FRMD6: variants seen among roughly 807,000 people sequenced by gnomAD.
FRMD6 encodes the protein FERM domain-containing protein 6.
In FRMD6, 37 loss-of-function variants were observed where a neutral mutation model predicts 73.2. The ratio of observed to expected loss-of-function variants is 0.51; its 90% CI spans 0.39 to 0.66. The LOEUF is 0.66. Among genes scored for constraint, FRMD6 ranks in the 30% least tolerant of loss-of-function variants. The pLI is 0.00. For synonymous variants in FRMD6, 273 were observed against 282.2 expected, an observed-to-expected ratio of 0.97 and a Z score of 0.33; for missense variants, 714 against 780.5, an observed-to-expected ratio of 0.91 and a Z score of 1.02.
At chr14:51,577,439 A>G (rs548946227) in intron 2 of FRMD6, among the ~76,000 whole-genome samples, 71 of 152,308 alleles carry the variant, frequency 4.7e-4, no homozygotes, top group Non-Finnish European at 9.4e-4. Context: ...TTAAGACTCA[A>G]TGTATAGTGT....
chr14:51,715,285 A>G lies in FRMD6; in HGVS notation c.850-40A>G, dbSNP rs151202244. ...CAAAGGGGACTTTGGCAAATCAGAG[A>G]TTTTTCTTCCTGAATTTGATTCATG... On this transcript the variant is annotated intron_variant, in intron 9 of 13. Coordinates refer to ENST00000344768, the MANE Select transcript of FRMD6 (RefSeq NM_001267046.2). 872 of 1,436,874 alleles carry G rather than the reference A, an allele frequency of 6.1e-4. 5 individuals carry two copies. In the African/African-American group the frequency reaches 0.011, roughly 19 times the overall value. 89.0% of individuals were successfully genotyped at this position (1,436,874 alleles called of 1,614,324 possible).
At chr14:51,455,913 C>T in the FRMD6 span, among the ~76,000 whole-genome samples, 1 of 152,130 alleles carries the variant, frequency 6.6e-6, no homozygotes, top group Admixed American at 6.6e-5. Flanking sequence ...GCCTAGTCTT[C>T]AGGGGTAAGA....
At chr14:51,409,463 T>C in the FRMD6 span, among the ~76,000 whole-genome samples, 1 of 151,828 alleles carries the variant, frequency 6.6e-6, no homozygotes, top group South Asian at 2.1e-4. Context: ...AGCAGTAGAA[T>C]TGGTCAAGGT....
the FRMD6 span, among the ~76,000 whole-genome samples, chr14:51,400,880 AG>A: frequency 6.6e-6 from 1 of 152,224 alleles, no homozygotes; most frequent in Non-Finnish European, 1.5e-5. Flanking sequence ...TAATTTATTT[AG>A]CCAATTTCCT....
At chr14:51,568,938 C>T (rs1202100710) in intron 1 of FRMD6, among the ~76,000 whole-genome samples, 3 of 151,684 alleles carry the variant, frequency 2.0e-5, no homozygotes, top group African/African-American at 4.8e-5. Flanking sequence ...TTCTGCCTCC[C>T]GGGTTCAAGC....
chr14:51,530,660 T>A (rs12884817), intron 1 of FRMD6, among the ~76,000 whole-genome samples: 2 of 121,556 alleles, frequency 1.6e-5, no homozygotes, highest in African/African-American at 6.3e-5. Flanking sequence ...TTTTTTTTTT[T>A]AATTTTAGTA....
chr14:51,669,701 C>G (rs1436815613), intron 1 of FRMD6, among the ~76,000 whole-genome samples: 3 of 151,904 alleles, frequency 2.0e-5, no homozygotes, highest in African/African-American at 7.3e-5. Flanking sequence ...TTGCATTGTT[C>G]TTGAGTTGTA....
At chr14:51,705,021 G>T in intron 6 of FRMD6, 86 bp downstream of exon 6, 1 of 1,246,764 alleles carries the variant, frequency 8.0e-7, no homozygotes, top group South Asian at 1.5e-5. Context: ...TTTAAGAAAT[G>T]GGAACACAGA....
intron 1 of FRMD6, among the ~76,000 whole-genome samples, chr14:51,546,418 T>C (rs1159876813): frequency 7.0e-6 from 1 of 142,530 alleles, no homozygotes; most frequent in African/African-American, 2.6e-5. Context: ...TTTTTTTAAA[T>C]AGTTCCTGTA....
the FRMD6 span, among the ~76,000 whole-genome samples, chr14:51,421,756 T>C: frequency 6.6e-6 from 1 of 152,222 alleles, no homozygotes; most frequent in Non-Finnish European, 1.5e-5. Flanking sequence ...CCAGGCAGTC[T>C]CTGCCCTGAG....
intron 8 of FRMD6, 39 bp from the exon 9 acceptor site, chr14:51,712,444 A>AT (rs1416530378): frequency 5.6e-6 from 7 of 1,257,212 alleles, no homozygotes; most frequent in Non-Finnish European, 8.1e-6. Context: ...AGTATCTATC[A>AT]TTTTTCCCAT....
At chr14:51,698,098 C>T in intron 2 of FRMD6, 44 bp from the exon 3 acceptor site, 1 of 1,420,580 alleles carries the variant, frequency 7.0e-7, no homozygotes, top group Non-Finnish European at 9.9e-7. Flanking sequence ...CCTGGGTGGA[C>T]TTAGTTGAAT....
intron 2 of FRMD6, among the ~76,000 whole-genome samples, chr14:51,691,803 C>T (rs1354693724): frequency 6.6e-6 from 1 of 151,724 alleles, no homozygotes; most frequent in African/African-American, 2.4e-5. Flanking sequence ...CCATGTTGGC[C>T]AGGCTGGTCT....
chr14:51,688,652 A>G (rs965846910), intron 1 of FRMD6, among the ~76,000 whole-genome samples: 6 of 152,212 alleles, frequency 3.9e-5, no homozygotes, highest in African/African-American at 1.4e-4. Flanking sequence ...GTAGCTGGAA[A>G]GGAATAATAT....
In FRMD6 at chr14:51,660,746, T is replaced by A. The variant is rs138471463; in HGVS notation, c.-147+8750T>A. 2.2e-3 allele frequency among the ~76,000 whole-genome samples: 338 copies of A among 151,926 alleles called. 3 individuals are homozygous for A. Among genetic ancestry groups the A allele is most frequent in the African/African-American group, 7.9e-3 (327 of 41,438 alleles). On this transcript the variant is annotated intron_variant, in intron 1 of 13. Transcript: ENST00000344768. ...GGGAAAAAGAAAAAGTAGAGCAGGC[T>A]AAGGGACAGTAGGAGTGCTGGGGGA...
At chr14:51,635,054 C>G (rs780047292) in intron 2 of FRMD6, among the ~76,000 whole-genome samples, 6 of 152,048 alleles carry the variant, frequency 3.9e-5, no homozygotes, top group Non-Finnish European at 5.9e-5. Flanking sequence ...CCTGCCTCAG[C>G]CTCCCGAGTA....
At chr14:51,686,309 G>T (rs890808007) in intron 1 of FRMD6, among the ~76,000 whole-genome samples, 5 of 152,100 alleles carry the variant, frequency 3.3e-5, no homozygotes, top group African/African-American at 1.2e-4. Context: ...TAACAAATCA[G>T]TATTGATACA....
chr14:51,706,305 T>A (rs1469616150), intron 6 of FRMD6, among the ~76,000 whole-genome samples: 3 of 152,248 alleles, frequency 2.0e-5, no homozygotes, highest in Admixed American at 2.0e-4. Context: ...TAGGTTCGTG[T>A]TCTCAGCAGC....
At chr14:51,703,465 C>T (rs1896446337) in intron 5 of FRMD6, among the ~76,000 whole-genome samples, 1 of 151,732 alleles carries the variant, frequency 6.6e-6, no homozygotes, top group African/African-American at 2.4e-5. Context: ...AAAATTAGCC[C>T]ATAAGGATTT....
Sources: allele counts gnomAD v4.1 joint callset (sites outside exome capture counted in the v4.1 genomes callset), GRCh38; gene constraint gnomAD v4.1.1; transcripts MANE v1.5; gene names NCBI Gene and HGNC (gene_info 2026-07-23, HGNC 2026-07-21).